Variants in TENM3 observed in about 807,000 individuals in gnomAD.
TENM3 encodes teneurin transmembrane protein 3.
In TENM3, 63 loss-of-function variants were observed where a neutral mutation model predicts 255.1. The ratio of observed to expected loss-of-function variants is 0.25; its 90% confidence interval spans 0.20 to 0.30. The LOEUF is 0.30. Ranked by LOEUF, TENM3 falls within the 10% of genes least tolerant of loss-of-function variation. The pLI is 1.00. For synonymous variants in TENM3, 1,306 were observed against 1,322.3 expected (o/e 0.99, Z 0.27); for missense variants, 2,929 against 3,461.1 (o/e 0.85, Z 3.86).
intron 1 of TENM3, among the ~76,000 whole-genome samples, chr4:182,237,822 T>C (rs1373873463): frequency 6.6e-6 from 1 of 152,206 alleles, no homozygotes; most frequent in Non-Finnish European, 1.5e-5. Context: ...TGTCACCAAA[T>C]ATATTTTCTT....
intron 27 of TENM3, among the ~76,000 whole-genome samples, chr4:182,798,482 G>A (rs2152838302): frequency 6.6e-6 from 1 of 152,326 alleles, no homozygotes; most frequent in South Asian, 2.1e-4. Context: ...CTAGGTTTGT[G>A]TAAGTGCCCG....
At chr4:182,084,935 C>G in the TENM3 span, 18 of 152,188 alleles carry the variant, frequency 1.2e-4, no homozygotes, top group African/African-American at 4.1e-4. Flanking sequence ...CAGCAGTTCA[C>G]AGAAAGCCTA....
At chr4:181,612,528 G>GTGTGTGTGTGTC in the TENM3 span, among the ~76,000 whole-genome samples, 2 of 151,878 alleles carry the variant, frequency 1.3e-5, no homozygotes, top group Non-Finnish European at 2.9e-5. Context: ...GTGTGTCAGA[G>GTGTGTGTGTGTC]AGAGAGAGAG....
At chr4:182,767,839 C>CATTT (rs1468265609) in intron 22 of TENM3, among the ~76,000 whole-genome samples, 2 of 152,186 alleles carry the variant, frequency 1.3e-5, no homozygotes, top group Non-Finnish European at 2.9e-5. Flanking sequence ...GAAACTTGAA[C>CATTT]ATTTATCCCA....
the TENM3 span, among the ~76,000 whole-genome samples, chr4:182,005,173 G>A: frequency 6.6e-6 from 1 of 152,138 alleles, no homozygotes; most frequent in African/African-American, 2.4e-5. Flanking sequence ...TATTGCCTAG[G>A]TTTTCTTCTA....
At chr4:182,575,421 A>G (rs1016646176) in intron 3 of TENM3, among the ~76,000 whole-genome samples, 2 of 152,180 alleles carry the variant, frequency 1.3e-5, no homozygotes, top group Non-Finnish European at 2.9e-5. Flanking sequence ...TTATAGCACA[A>G]AAGCAGTCAG....
chr4:181,909,774 TC>T, the TENM3 span, among the ~76,000 whole-genome samples: 1 of 152,098 alleles, frequency 6.6e-6, no homozygotes, highest in African/African-American at 2.4e-5. Context: ...ATAAATACTC[TC>T]CCCAATACAG....
At chr4:181,990,270 CA>C in the TENM3 span, among the ~76,000 whole-genome samples, 99 of 152,160 alleles carry the variant, frequency 6.5e-4, no homozygotes, top group African/African-American at 1.9e-3. Flanking sequence ...ACAAGCAAAA[CA>C]AGAAAAATGT....
the TENM3 span, among the ~76,000 whole-genome samples, chr4:181,547,260 A>T: frequency 6.6e-6 from 1 of 152,204 alleles, no homozygotes; most frequent in East Asian, 1.9e-4. Flanking sequence ...GAGAGAAAGA[A>T]ATGACTCATA....
intron 3 of TENM3, among the ~76,000 whole-genome samples, chr4:182,387,992 A>AT (rs1001421832): frequency 6.6e-5 from 10 of 150,640 alleles, no homozygotes; most frequent in African/African-American, 1.2e-4. Context: ...TTGCTTTGGA[A>AT]TTTTTTTTTC....
the TENM3 span, among the ~76,000 whole-genome samples, chr4:181,628,179 G>A: frequency 6.6e-6 from 1 of 151,916 alleles, no homozygotes; most frequent in Admixed American, 6.6e-5. Flanking sequence ...CTTTTTGATG[G>A]GGTTGTTTTT....
chr4:182,742,515 A>G (rs1361221128), intron 18 of TENM3, among the ~76,000 whole-genome samples: 1 of 152,216 alleles, frequency 6.6e-6, no homozygotes, highest in Admixed American at 6.5e-5. Context: ...ATAAGCCTGT[A>G]TTATCGTTAC....
At chr4:182,029,264 C>T in the TENM3 span, among the ~76,000 whole-genome samples, 1 of 152,084 alleles carries the variant, frequency 6.6e-6, no homozygotes, top group Non-Finnish European at 1.5e-5. Context: ...ACATTTCCCC[C>T]TCTTGCTCCA....
At chr4:182,095,964 C>CA in the TENM3 span, among the ~76,000 whole-genome samples, 24 of 151,294 alleles carry the variant, frequency 1.6e-4, no homozygotes, top group East Asian at 1.9e-3. Flanking sequence ...AAAATCAAAA[C>CA]AAAAAAACAG....
chr4:181,671,034 C>T, the TENM3 span, among the ~76,000 whole-genome samples: 569 of 152,190 alleles, frequency 3.7e-3, 4 homozygotes, highest in Non-Finnish European at 4.3e-3. Flanking sequence ...TACACTGCTG[C>T]TTGTGTTGTA....
the TENM3 span, among the ~76,000 whole-genome samples, chr4:181,586,898 TA>T: frequency 1.3e-5 from 2 of 152,012 alleles, no homozygotes; most frequent in African/African-American, 2.4e-5. Context: ...AGCAGATCAT[TA>T]TTTTTTTCTT....
At chr4:181,985,960 A>G in the TENM3 span, among the ~76,000 whole-genome samples, 1 of 152,064 alleles carries the variant, frequency 6.6e-6, no homozygotes, top group Admixed American at 6.6e-5. Context: ...CTCAATCCAG[A>G]ACTGTTCTGG....
chr4:182,665,488 A>G (rs1754592139), intron 6 of TENM3, among the ~76,000 whole-genome samples: 1 of 152,190 alleles, frequency 6.6e-6, no homozygotes, highest in Non-Finnish European at 1.5e-5. Context: ...GAGTAATTTC[A>G]AGTCATATTT....
At chr4:182,226,783 G>A (rs1756185564) in intron 1 of TENM3, among the ~76,000 whole-genome samples, 1 of 152,156 alleles carries the variant, frequency 6.6e-6, no homozygotes, top group Admixed American at 6.5e-5. Context: ...GATAAGACAT[G>A]TAAATGCAGT....
Sources: gnomAD v4.1 joint callset for allele counts (sites outside exome capture counted in the v4.1 genomes callset) on GRCh38, gnomAD v4.1.1 for gene constraint, MANE v1.5 for transcripts, NCBI Gene and HGNC (gene_info 2026-07-23, HGNC 2026-07-21) for gene names.